The following UBE2G1 variants were observed in gnomAD, a reference collection of about 807,000 sequenced individuals.
The protein encoded by UBE2G1 is ubiquitin-conjugating enzyme E2 G1.
A neutral mutation model predicts 22.7 loss-of-function variants in UBE2G1; 5 were observed. The ratio of observed to expected loss-of-function variants is 0.22; its 90% confidence interval spans 0.12 to 0.46. The LOEUF (loss-of-function observed/expected upper bound fraction) is 0.46, where lower values mean the gene tolerates loss of function less well. Ranked by LOEUF, UBE2G1 falls within the 20% of genes least tolerant of loss-of-function variation. The pLI, the probability that UBE2G1 is intolerant of heterozygous loss-of-function variation, is 0.99. For synonymous variants in UBE2G1, 74 were observed against 67.5 expected (o/e 1.10, Z -0.47); for missense variants, 88 against 203.9 (o/e 0.43, Z 3.46).
chr17:4,316,940 A>AAT (rs1969382408), intron 1 of UBE2G1, among the ~76,000 whole-genome samples: 1 of 36,888 alleles, frequency 2.7e-5, no homozygotes. Flanking sequence ...CTCTTGAATA[A>AAT]AAAAAAAAAA....
At position 4,313,143 on chromosome 17, in the gene UBE2G1, GA is replaced by G. The variant is rs1422150125; in HGVS notation, c.47-6021del. Among the ~76,000 whole-genome samples, 5 of 152,264 alleles carry G rather than the reference GA, an allele frequency of 3.3e-5. No individual in the cohort carries two copies. In the East Asian group the frequency reaches 9.6e-4, roughly 29 times the overall value. On this transcript the variant is annotated intron_variant, in intron 1 of 5. Transcript: ENST00000396981. ...CAGACAGATTACAGATATAAACAAAGAGGTATAAAACCTAACTAAAAGAAAA... is the reference window on the plus strand; with the variant it reads ...CAGACAGATTACAGATATAAACAAAGGGTATAAAACCTAACTAAAAGAAAA...
intron 1 of UBE2G1, among the ~76,000 whole-genome samples, chr17:4,330,669 G>A (rs949079322): frequency 3.9e-5 from 6 of 152,020 alleles, no homozygotes; most frequent in East Asian, 1.9e-4. Flanking sequence ...CCCAGGAGGC[G>A]GAGGTTGCGG....
intron 1 of UBE2G1, among the ~76,000 whole-genome samples, chr17:4,335,791 A>G (rs561502754): frequency 3.9e-4 from 59 of 152,220 alleles, no homozygotes; most frequent in Non-Finnish European, 8.1e-4. Flanking sequence ...AATACAGTAT[A>G]TAACTTACAA....
intron 4 of UBE2G1, 52 bp from the exon 5 acceptor site, chr17:4,282,973 A>G: frequency 7.4e-7 from 1 of 1,357,324 alleles, no homozygotes; most frequent in Non-Finnish European, 1.0e-6. Flanking sequence ...TCCCCTTTAT[A>G]ATCTCAAATA....
At chr17:4,330,976 C>CCACATACACACA (rs1555522269) in intron 1 of UBE2G1, among the ~76,000 whole-genome samples, 3 of 143,576 alleles carry the variant, frequency 2.1e-5, no homozygotes, top group African/African-American at 8.0e-5. Context: ...ACCTTTAAAA[C>CCACATACACACA]CACACACACA....
At chr17:4,283,703 G>A (rs1391068794) in intron 4 of UBE2G1, among the ~76,000 whole-genome samples, 2 of 152,096 alleles carry the variant, frequency 1.3e-5, no homozygotes, top group African/African-American at 2.4e-5. Flanking sequence ...AAATGGAACA[G>A]AACAGTGGGG....
At chr17:4,337,597 G>A (rs1173872977) in intron 1 of UBE2G1, among the ~76,000 whole-genome samples, 3 of 150,216 alleles carry the variant, frequency 2.0e-5, no homozygotes, top group Non-Finnish European at 4.4e-5. Flanking sequence ...AGGTTGCAAT[G>A]AGCTGAAATC....
chr17:4,305,207 C>T (rs576796589), intron 2 of UBE2G1, among the ~76,000 whole-genome samples: 5 of 152,218 alleles, frequency 3.3e-5, no homozygotes, highest in Middle Eastern at 3.4e-3. Flanking sequence ...CTGCCCACCT[C>T]GGCCTCGTGA....
rs533474332 is a variant in UBE2G1 at position 4,306,003 on chromosome 17, A to G, written c.149+1018T>C. 5.3e-5 allele frequency among the ~76,000 whole-genome samples: 8 copies of G among 152,340 alleles called. No homozygotes were observed. The South Asian group carries it at 1.4e-3, about 28-fold the overall frequency. ...TTCTACTGCTCTTTCACACCACTACATTGTTGTCTATCCTTAAGCCATTGG... is the reference window on the plus strand; with the variant it reads ...TTCTACTGCTCTTTCACACCACTACGTTGTTGTCTATCCTTAAGCCATTGG... On this transcript the variant is annotated intron_variant, in intron 2 of 5. Coordinates refer to ENST00000396981, the MANE Select transcript of UBE2G1 (RefSeq NM_003342.5).
rs780505537 is a variant in UBE2G1 at position 4,272,325 on chromosome 17, A to C, written c.*229T>G. 5.9e-6 allele frequency: 1 copy of C among 168,980 alleles called. No homozygotes were observed. Among genetic ancestry groups the C allele is most frequent in the Non-Finnish European group, 1.3e-5 (1 of 78,792 alleles). The allele number at this position is 168,980 out of a possible 1,614,324, so 10.5% of individuals were successfully genotyped here. On this transcript the variant is annotated 3_prime_UTR_variant, in exon 6 of 6. Transcript: ENST00000396981. ...TCTTTACAATTCTTCCTGAAGGTTA[A>C]AACAGTTCATTAGAATTCAAAATGC...
intron 1 of UBE2G1, chr17:4,364,421 C>T (rs1259455065): frequency 6.9e-6 from 1 of 144,714 alleles, no homozygotes; most frequent in Non-Finnish European, 1.5e-5. Flanking sequence ...TCCCGATTAG[C>T]TGGGACTACA....
intron 1 of UBE2G1, among the ~76,000 whole-genome samples, chr17:4,324,856 T>C (rs536287170): frequency 6.6e-6 from 1 of 152,096 alleles, no homozygotes; most frequent in South Asian, 2.1e-4. Context: ...GATGGGCGGA[T>C]CACGAGGTCA....
chr17:4,270,274 T>C lies in UBE2G1; in HGVS notation c.*2280A>G, dbSNP rs1968739894. 1 of 152,634 alleles carries C rather than the reference T, an allele frequency of 6.6e-6. No homozygotes were observed. Among genetic ancestry groups the C allele is most frequent in the African/African-American group, 2.4e-5 (1 of 41,464 alleles). The allele number at this position is 152,634 out of a possible 1,614,324, so 9.5% of individuals were successfully genotyped here. On this transcript the variant is annotated 3_prime_UTR_variant, in exon 6 of 6. Coordinates refer to ENST00000396981, the MANE Select transcript of UBE2G1 (RefSeq NM_003342.5). ...AGATCCCAAGTTTCACCTCAACAGA[T>C]TGCTAGCAGAATTATAGCAATAGGA...
chr17:4,317,647 T>C (rs1052274721), intron 1 of UBE2G1, among the ~76,000 whole-genome samples: 1 of 152,236 alleles, frequency 6.6e-6, no homozygotes, highest in Non-Finnish European at 1.5e-5. Context: ...GTCAATATGC[T>C]TCCCAAAGGG....
Position 4,366,531 on chromosome 17 carries a change from G to A in UBE2G1, c.-215C>T, listed in dbSNP as rs1196369918. ...TTTCACAGCGACTCACGCCCGGAAG[G>A]GGAGGGTGCCCGGGCTGCCGCGGCG... On this transcript the variant is annotated 5_prime_UTR_variant, in exon 1 of 6. Coordinates refer to ENST00000396981, the MANE Select transcript of UBE2G1 (RefSeq NM_003342.5). 4.6e-6 allele frequency: 2 copies of A among 432,514 alleles called. No individual in the cohort carries two copies. Among genetic ancestry groups the A allele is most frequent in the Non-Finnish European group, 8.0e-6 (2 of 249,120 alleles). The allele number at this position is 432,514 out of a possible 1,614,324, so 26.8% of individuals were successfully genotyped here.
At chr17:4,283,414 C>T (rs1051450388) in intron 4 of UBE2G1, among the ~76,000 whole-genome samples, 4 of 152,070 alleles carry the variant, frequency 2.6e-5, no homozygotes, top group East Asian at 1.9e-4. Flanking sequence ...GCAGGAAAAT[C>T]GCTTGAACTG....
At position 4,270,097 on chromosome 17, in the gene UBE2G1, C is replaced by A. The variant is rs1054025349; in HGVS notation, c.*2457G>T. ...AGGTGGAAAAGCATGTGGAGACGCACTCATGCCTGGCTCTCACTTCCACTC... is the reference window on the plus strand; with the variant it reads ...AGGTGGAAAAGCATGTGGAGACGCAATCATGCCTGGCTCTCACTTCCACTC... On this transcript the variant is annotated 3_prime_UTR_variant, in exon 6 of 6. Coordinates refer to ENST00000396981, the MANE Select transcript of UBE2G1 (RefSeq NM_003342.5). The A allele has an allele frequency of 3.9e-5, 6 of 152,520 alleles. No individual in the cohort carries two copies. Among genetic ancestry groups the A allele is most frequent in the African/African-American group, 1.4e-4 (6 of 41,402 alleles). The allele number at this position is 152,520 out of a possible 1,614,324, so 9.4% of individuals were successfully genotyped here. A position where few individuals can be genotyped will look rare whatever the true frequency, so the allele number is the denominator to read the frequency against.
chr17:4,296,883 A>C, intron 2 of UBE2G1, 69 bp from the exon 3 acceptor site: 1 of 1,381,222 alleles, frequency 7.2e-7, no homozygotes, highest in East Asian at 2.3e-5. Context: ...GTGTTAAAAC[A>C]AATATAAAAC....
Position 4,341,132 on chromosome 17 carries a change from G to C in UBE2G1, c.46+25139C>G, listed in dbSNP as rs141655540. On this transcript the variant is annotated intron_variant, in intron 1 of 5. Transcript: ENST00000396981. The stretch of plus-strand genomic sequence containing the variant: ...CTCAAATGAAAAGCCAGTATTTTCA[G>C]AGTATTAGTCACACACTGAAAGAAG... 7.7e-4 allele frequency among the ~76,000 whole-genome samples: 117 copies of C among 151,344 alleles called. 1 individual carries two copies. Among genetic ancestry groups the C allele is most frequent in the African/African-American group, 2.6e-3 (109 of 41,234 alleles).
Sources: gnomAD v4.1 joint callset for allele counts (sites outside exome capture counted in the v4.1 genomes callset) on GRCh38, gnomAD v4.1.1 for gene constraint, MANE v1.5 for transcripts, NCBI Gene and HGNC (gene_info 2026-07-23, HGNC 2026-07-21) for gene names.